The following FRMD3 variants were observed in gnomAD, a reference collection of about 807,000 sequenced individuals.
FRMD3 encodes the protein FERM domain containing 3, also known as FERM domain-containing protein 3.
FRMD3 carries 33 observed loss-of-function variants against 70.2 expected under a neutral mutation model. The ratio of observed to expected loss-of-function variants is 0.47; its 90% CI spans 0.36 to 0.63. The LOEUF is 0.63. FRMD3 is among the 20% of genes least tolerant of loss of function. The pLI, the probability that FRMD3 is intolerant of heterozygous loss-of-function variation, is 0.00. For synonymous variants in FRMD3, 279 were observed against 255.9 expected, an observed-to-expected ratio of 1.09 and a Z score of -0.86; for missense variants, 632 against 711.4, an observed-to-expected ratio of 0.89 and a Z score of 1.27.
chr9:83,438,413 T>TTTGTTTTG (rs1554705416), intron 1 of FRMD3, among the ~76,000 whole-genome samples: 28,726 of 151,188 alleles, frequency 0.19, 2,730 homozygotes, highest in African/African-American at 0.23. Context: ...GAGAGTTTTT[T>TTTGTTTTG]TTTTGTTTTG....
rs192860030 is a variant in FRMD3 at position 83,297,662 on chromosome 9, T to C, written c.1070+1086A>G. On this transcript the variant is annotated intron_variant, in intron 12 of 13. Coordinates refer to ENST00000304195, the MANE Select transcript of FRMD3 (RefSeq NM_174938.6). ...TGGTGGGCAGGCTGCACTTTCAGGA[T>C]CTGCACCAACATGCCTGGAGCCAAG... 3.1e-4 allele frequency: 143 copies of C among 456,956 alleles called. 1 individual carries two copies. The highest frequency in any genetic ancestry group is 2.7e-3 in the African/African-American group (137 of 49,946). 28.3% of individuals were successfully genotyped at this position (456,956 alleles called of 1,614,324 possible). A position where few individuals can be genotyped will look rare whatever the true frequency, so the allele number is the denominator to read the frequency against.
the FRMD3 span, among the ~76,000 whole-genome samples, chr9:83,567,930 G>C: frequency 2.0e-5 from 3 of 152,124 alleles, no homozygotes; most frequent in East Asian, 5.8e-4. Context: ...CAGTTCCAAA[G>C]TCACTTCCAC....
intron 1 of FRMD3, among the ~76,000 whole-genome samples, chr9:83,393,322 C>T (rs1489087335): frequency 1.3e-5 from 2 of 152,092 alleles, no homozygotes; most frequent in African/African-American, 4.8e-5. Flanking sequence ...CAATGCTAGC[C>T]AAGATGTGAC....
chr9:83,293,590 C>T (rs1834534247), intron 12 of FRMD3, among the ~76,000 whole-genome samples: 2 of 152,198 alleles, frequency 1.3e-5, no homozygotes, highest in South Asian at 2.1e-4. Context: ...GCCCCCAACC[C>T]ACAACATTGC....
At position 83,311,999 on chromosome 9, in the gene FRMD3, AGAAAAAT is replaced by A. The variant is rs776188881; in HGVS notation, c.685-31_685-25del. Reference sequence around the variant, plus strand: ...TCCTGAAAAAAAAAAAAAAGAAAAAAGAAAAATCTGTTTAGATTGAGAAAAATAAAAT... The same window carrying A: ...TCCTGAAAAAAAAAAAAAAGAAAAAACTGTTTAGATTGAGAAAAATAAAAT... On this transcript the variant is annotated intron_variant, in intron 7 of 13. Coordinates refer to ENST00000304195, the MANE Select transcript of FRMD3 (RefSeq NM_174938.6). The A allele has an allele frequency of 3.4e-5, 51 of 1,518,048 alleles. No homozygotes were observed. In the South Asian group the frequency reaches 5.6e-4, roughly 17 times the overall value. 94.0% of individuals were successfully genotyped at this position (1,518,048 alleles called of 1,614,324 possible).
At chr9:83,452,848 C>CTTTTTTTT (rs11346596) in intron 1 of FRMD3, among the ~76,000 whole-genome samples, 1 of 72,362 alleles carries the variant, frequency 1.4e-5, no homozygotes, top group Admixed American at 1.9e-4. Context: ...TTTTTATTGC[C>CTTTTTTTT]TTTTTTTTTT....
At position 83,248,407 on chromosome 9, in the gene FRMD3, T is replaced by C. The variant is rs1832230769; in HGVS notation, c.1305A>G (p.Ile435Met). The change falls in exon 14 of 14, where the codon ATA becomes ATG. Residue 435 changes from isoleucine to methionine, a missense_variant. Physicochemically the swap from Ile to Met is conservative, Grantham distance 10. Transcript: ENST00000304195. Reference sequence around the variant, plus strand: ...CAGAGATGGTTAAAGGTTCTTCTTTTATTTTATCTTCCTCTTCACTAGGGG... The same window carrying C: ...CAGAGATGGTTAAAGGTTCTTCTTTCATTTTATCTTCCTCTTCACTAGGGG... ...EDPPSEEEDK[I>M]KEEPLTISEL... The C allele has an allele frequency of 1.2e-6, 2 of 1,614,208 alleles. No individual in the cohort carries two copies. Among genetic ancestry groups the C allele is most frequent in the Non-Finnish European group, 1.7e-6 (2 of 1,180,044 alleles).
At chr9:83,367,669 A>G (rs1751211419) in intron 3 of FRMD3, among the ~76,000 whole-genome samples, 1 of 152,260 alleles carries the variant, frequency 6.6e-6, no homozygotes, top group African/African-American at 2.4e-5. Context: ...GCTGGCTGCA[A>G]CAGTAGGAAC....
At chr9:83,437,912 T>A (rs1827182899) in intron 1 of FRMD3, among the ~76,000 whole-genome samples, 1 of 151,892 alleles carries the variant, frequency 6.6e-6, no homozygotes, top group African/African-American at 2.4e-5. Context: ...AGCAGGGGGA[T>A]CCTCAAGAGC....
At chr9:83,343,722 C>A (rs1363949183) in intron 4 of FRMD3, among the ~76,000 whole-genome samples, 1 of 152,254 alleles carries the variant, frequency 6.6e-6, no homozygotes, top group African/African-American at 2.4e-5. Context: ...CCAGCCTCAT[C>A]ATTTCTTAGG....
chr9:83,413,569 C>T (rs1355490045), intron 1 of FRMD3, among the ~76,000 whole-genome samples: 1 of 152,154 alleles, frequency 6.6e-6, no homozygotes, highest in African/African-American at 2.4e-5. Context: ...GGGCACTCAC[C>T]CATCAGAGAA....
chr9:83,419,488 T>A (rs969134339), intron 1 of FRMD3, among the ~76,000 whole-genome samples: 6 of 149,546 alleles, frequency 4.0e-5, no homozygotes, highest in Non-Finnish European at 8.9e-5. Flanking sequence ...GTGTTGAGAG[T>A]GTGTGTGTTC....
chr9:83,246,544 C>A lies in FRMD3; in HGVS notation c.*1374G>T, dbSNP rs1050976752. The A allele has an allele frequency of 1.2e-5, 12 of 984,922 alleles. No individual in the cohort carries two copies. In the African/African-American group the frequency reaches 1.8e-4, roughly 14 times the overall value. The allele number at this position is 984,922 out of a possible 1,614,324, so 61.0% of individuals were successfully genotyped here. A position where few individuals can be genotyped will look rare whatever the true frequency, so the allele number is the denominator to read the frequency against. On this transcript the variant is annotated 3_prime_UTR_variant, in exon 14 of 14. Transcript: ENST00000304195. ...TCATCTCATGAGGCCTCTCCAGTTT[C>A]TCTATGGAAGTCAAATTTTAAAACA...
At chr9:83,399,711 T>C (rs1459646695) in intron 1 of FRMD3, among the ~76,000 whole-genome samples, 2 of 152,244 alleles carry the variant, frequency 1.3e-5, no homozygotes, top group Admixed American at 6.5e-5. Flanking sequence ...CTGGGACTGC[T>C]ATATTTGGTT....
chr9:83,530,523 AG>A (rs1433217467), intron 1 of FRMD3, among the ~76,000 whole-genome samples: 8 of 152,268 alleles, frequency 5.3e-5, no homozygotes, highest in African/African-American at 1.9e-4. Flanking sequence ...TAAAGGGCAA[AG>A]GTTCATTTTG....
At chr9:83,420,302 G>T (rs900985358) in intron 1 of FRMD3, among the ~76,000 whole-genome samples, 3 of 152,176 alleles carry the variant, frequency 2.0e-5, no homozygotes, top group African/African-American at 7.2e-5. Flanking sequence ...ACAGCAAAAA[G>T]GGGACCAGTT....
intron 13 of FRMD3, chr9:83,266,905 CCT>C: frequency 8.3e-7 from 1 of 1,200,628 alleles, no homozygotes; most frequent in Non-Finnish European, 1.2e-6. Flanking sequence ...TTATCAAAAA[CCT>C]CTGACACCAA....
chr9:83,522,182 G>A (rs1829584951), intron 1 of FRMD3, among the ~76,000 whole-genome samples: 1 of 152,236 alleles, frequency 6.6e-6, no homozygotes, highest in Non-Finnish European at 1.5e-5. Context: ...AAATGTGAGT[G>A]ACAAAATATC....
chr9:83,575,803 T>G, the FRMD3 span, among the ~76,000 whole-genome samples: 104 of 152,326 alleles, frequency 6.8e-4, no homozygotes, highest in Non-Finnish European at 1.4e-3. Context: ...ATAGCTTCGT[T>G]GATGAATTCC....
Sources: allele counts gnomAD v4.1 joint callset (sites outside exome capture counted in the v4.1 genomes callset), GRCh38; gene constraint gnomAD v4.1.1; transcripts MANE v1.5; gene names NCBI Gene and HGNC (gene_info 2026-07-23, HGNC 2026-07-21).